PTK2: variants seen among roughly 807,000 people sequenced by gnomAD.
PTK2 encodes the protein focal adhesion kinase 1.
A neutral mutation model predicts 150.1 loss-of-function variants in PTK2; 45 were observed. The ratio of observed to expected loss-of-function variants is 0.30; its 90% CI spans 0.24 to 0.38. The LOEUF is 0.38. Among genes scored for constraint, PTK2 ranks in the 10% least tolerant of loss-of-function variants. PTK2 has a pLI of 1.00. For synonymous variants in PTK2, 432 were observed against 449.2 expected (o/e 0.96, Z 0.48); for missense variants, 919 against 1,307.3 (o/e 0.70, Z 4.58).
intron 2 of PTK2, among the ~76,000 whole-genome samples, chr8:140,915,904 AAAACAAAC>A (rs71309000): frequency 0.42 from 63,118 of 150,684 alleles, 15,014 homozygotes; most frequent in Non-Finnish European, 0.55. Flanking sequence ...TCGGTCTCAA[AAAACAAAC>A]AAACAAACAA....
chr8:140,879,676 G>GAAAAAAAAA, intron 3 of PTK2, 39 bp from the exon 4 acceptor site: 28 of 34,582 alleles, frequency 8.1e-4, no homozygotes, highest in East Asian at 2.1e-3. Flanking sequence ...GTTATAAACT[G>GAAAAAAAAA]AAAAAAAAAA....
chr8:140,744,654 G>C, exon 19 of PTK2: 1 of 1,554,558 alleles, frequency 6.4e-7, no homozygotes, highest in Non-Finnish European at 8.8e-7. Context: ...TATCTTACCT[G>C]TGTACAAATC....
In PTK2 at chr8:140,859,838, C is replaced by T. The variant is rs2100135004; in HGVS notation, c.450+4474G>A. ...TGCAACTTTGGAATTAAACCCTTTCCCAAGTTGGGTGCTGCCTGTGCAGGA... is the reference window on the plus strand; with the variant it reads ...TGCAACTTTGGAATTAAACCCTTTCTCAAGTTGGGTGCTGCCTGTGCAGGA... On this transcript the variant is annotated intron_variant, in intron 5 of 31. Transcript: ENST00000522684. 2.1e-5 allele frequency among the ~76,000 whole-genome samples: 3 copies of T among 142,276 alleles called. 1 individual carries two copies. The South Asian group carries it at 6.9e-4, about 33-fold the overall frequency. 93.3% of individuals were successfully genotyped at this position (142,276 alleles called of 152,430 possible).
chr8:140,716,295 T>C (rs1206390654), intron 23 of PTK2, among the ~76,000 whole-genome samples: 2 of 152,174 alleles, frequency 1.3e-5, no homozygotes, highest in Non-Finnish European at 2.9e-5. Context: ...GTAAACAAAT[T>C]TAAAAATAGG....
chr8:140,917,381 G>A (rs1732454028), intron 2 of PTK2, among the ~76,000 whole-genome samples: 1 of 152,014 alleles, frequency 6.6e-6, no homozygotes, highest in Non-Finnish European at 1.5e-5. Flanking sequence ...GGGGAGGGCA[G>A]GGGAGGGCAG....
chr8:140,786,503 C>T (rs1243716904), intron 14 of PTK2, among the ~76,000 whole-genome samples: 2 of 152,112 alleles, frequency 1.3e-5, no homozygotes, highest in Non-Finnish European at 2.9e-5. Context: ...GTGCAATGTA[C>T]TGGTTCCTGG....
At chr8:140,859,002 C>A (rs556108967) in intron 5 of PTK2, among the ~76,000 whole-genome samples, 1 of 152,276 alleles carries the variant, frequency 6.6e-6, no homozygotes, top group East Asian at 1.9e-4. Context: ...AATGTCCTGA[C>A]CAACCACCTA....
intron 23 of PTK2, among the ~76,000 whole-genome samples, chr8:140,709,964 A>G (rs1290785701): frequency 6.6e-6 from 1 of 152,164 alleles, no homozygotes; most frequent in Non-Finnish European, 1.5e-5. Context: ...TTGAAAACAT[A>G]CAGGAAAAAA....
intron 7 of PTK2, among the ~76,000 whole-genome samples, chr8:140,833,953 C>T (rs1567220387): frequency 6.6e-6 from 1 of 152,178 alleles, no homozygotes; most frequent in Non-Finnish European, 1.5e-5. Context: ...ACTGTGTTGT[C>T]CAATATACAA....
chr8:140,963,755 C>T (rs1221650122), intron 1 of PTK2, among the ~76,000 whole-genome samples: 1 of 152,130 alleles, frequency 6.6e-6, no homozygotes, highest in Admixed American at 6.5e-5. Context: ...TTATCTGGGG[C>T]ATCAAAGCAT....
At chr8:140,972,500 A>G (rs2100187675) in intron 1 of PTK2, among the ~76,000 whole-genome samples, 1 of 152,130 alleles carries the variant, frequency 6.6e-6, no homozygotes. Context: ...CCTGACCTCA[A>G]GTGATCTGCC....
At chr8:140,709,422 C>A (rs534170847) in intron 23 of PTK2, among the ~76,000 whole-genome samples, 14 of 152,214 alleles carry the variant, frequency 9.2e-5, no homozygotes, top group African/African-American at 3.4e-4. Flanking sequence ...TGTTGCTAAC[C>A]AACAGCCATG....
In PTK2 at chr8:140,921,727, T is replaced by C. The variant is rs559243486; in HGVS notation, c.-33+3934A>G. ...GGAATATTGAGGTATCCAAGAGGCA[T>C]GATTTCCTTTCTTCGTTTCAAAACA... On this transcript the variant is annotated intron_variant, in intron 2 of 31. Coordinates refer to ENST00000522684, the Ensembl canonical transcript of PTK2. Among the ~76,000 whole-genome samples the C allele has an allele frequency of 2.3e-3, 355 of 152,322 alleles. 4 individuals carry two copies. Among genetic ancestry groups the C allele is most frequent in the African/African-American group, 8.2e-3 (343 of 41,582 alleles).
In PTK2 at chr8:140,964,190, T is replaced by A. The variant is rs188601260; in HGVS notation, c.-122+36935A>T. Among the ~76,000 whole-genome samples the A allele has an allele frequency of 2.0e-5, 3 of 152,246 alleles. No homozygotes were observed. In the East Asian group the frequency reaches 5.8e-4, roughly 29 times the overall value. ...ATGCACCACCCTATGCATGAATGTTTCTACCACAGGATTTAGCCCACTGAA... is the reference window on the plus strand; with the variant it reads ...ATGCACCACCCTATGCATGAATGTTACTACCACAGGATTTAGCCCACTGAA... On this transcript the variant is annotated intron_variant, in intron 1 of 31. Coordinates refer to ENST00000522684, the Ensembl canonical transcript of PTK2.
At chr8:140,864,880 C>G (rs902586822) in intron 4 of PTK2, among the ~76,000 whole-genome samples, 4 of 152,190 alleles carry the variant, frequency 2.6e-5, no homozygotes, top group Non-Finnish European at 4.4e-5. Context: ...CCCATATGAA[C>G]ACTTTTATAA....
At chr8:140,994,297 A>G (rs1423531343) in intron 1 of PTK2, among the ~76,000 whole-genome samples, 1 of 152,204 alleles carries the variant, frequency 6.6e-6, no homozygotes, top group East Asian at 1.9e-4. Context: ...CCATTTCATT[A>G]GAGTATTTAT....
intron 3 of PTK2, among the ~76,000 whole-genome samples, chr8:140,883,464 C>T (rs1568135947): frequency 6.6e-6 from 1 of 152,212 alleles, no homozygotes. Context: ...ATTGTTGACA[C>T]TGTTTATCTC....
Position 140,803,005 on chromosome 8 carries a change from C to CTTTTTTTT in PTK2, c.975+530_975+537dup, listed in dbSNP as rs778981723. On this transcript the variant is annotated intron_variant, in intron 11 of 31. Coordinates refer to ENST00000522684, the Ensembl canonical transcript of PTK2. ...AATTTCCTTGGTACTTGATGACAAT[C>CTTTTTTTT]TTTTTTTTTTTTTTTTTTTTTTTTT... 2.4e-3 allele frequency among the ~76,000 whole-genome samples: 188 copies of CTTTTTTTT among 77,362 alleles called. 24 individuals carry two copies. Among genetic ancestry groups the CTTTTTTTT allele is most frequent in the African/African-American group, 8.5e-3 (172 of 20,260 alleles). The allele number at this position is 77,362 out of a possible 152,430, so 50.8% of individuals were successfully genotyped here. A position where few individuals can be genotyped will look rare whatever the true frequency, so the allele number is the denominator to read the frequency against.
At chr8:140,760,372 C>T (rs2100068717) in intron 16 of PTK2, among the ~76,000 whole-genome samples, 3 of 152,204 alleles carry the variant, frequency 2.0e-5, no homozygotes, top group South Asian at 4.2e-4. Flanking sequence ...TGGTCTATAT[C>T]TATACAAAAG....
Sources: gnomAD v4.1 joint callset for allele counts (sites outside exome capture counted in the v4.1 genomes callset) on GRCh38, gnomAD v4.1.1 for gene constraint, MANE v1.5 for transcripts, NCBI Gene and HGNC (gene_info 2026-07-23, HGNC 2026-07-21) for gene names.